The following CIMIP6 variants were observed in gnomAD, a reference collection of about 807,000 sequenced individuals.
The protein encoded by CIMIP6 is ciliary microtubule inner protein 6, also known as uncharacterized protein C2orf73.
At chr2:54,368,620 A>G in the CIMIP6 span, among the ~76,000 whole-genome samples, 1 of 152,194 alleles carries the variant, frequency 6.6e-6, no homozygotes, top group Non-Finnish European at 1.5e-5. Context: ...AGTCAGTGTG[A>G]TTTATGGTGA....
chr2:54,379,745 G>A, the CIMIP6 span, among the ~76,000 whole-genome samples: 1 of 151,982 alleles, frequency 6.6e-6, no homozygotes, highest in South Asian at 2.1e-4. Flanking sequence ...GGAGGCCAAG[G>A]TGGGTGGGTC....
chr2:54,368,804 G>A, the CIMIP6 span, among the ~76,000 whole-genome samples: 1 of 152,198 alleles, frequency 6.6e-6, no homozygotes, highest in African/African-American at 2.4e-5. Context: ...ATCACACATT[G>A]TTGTTGACAG....
the CIMIP6 span, among the ~76,000 whole-genome samples, chr2:54,334,274 A>T: frequency 6.6e-6 from 1 of 152,184 alleles, no homozygotes. Context: ...TAGAGGCAAA[A>T]AATGAAGAGA....
At chr2:54,344,039 T>G in the CIMIP6 span, among the ~76,000 whole-genome samples, 1 of 152,222 alleles carries the variant, frequency 6.6e-6, no homozygotes, top group Non-Finnish European at 1.5e-5. Context: ...TATTTCTTCC[T>G]AGTGGACAGT....
the CIMIP6 span, among the ~76,000 whole-genome samples, chr2:54,335,457 C>G: frequency 2.0e-5 from 3 of 152,246 alleles, no homozygotes; most frequent in South Asian, 4.1e-4. Flanking sequence ...ACAACAATTT[C>G]TATGAAGTCT....
the CIMIP6 span, among the ~76,000 whole-genome samples, chr2:54,363,709 A>T: frequency 1.3e-5 from 2 of 152,020 alleles, no homozygotes; most frequent in Admixed American, 1.3e-4. Flanking sequence ...GGATTTCATT[A>T]TCTATATTTA....
the CIMIP6 span, chr2:54,343,618 C>A: frequency 1.2e-6 from 1 of 802,596 alleles, no homozygotes; most frequent in Non-Finnish European, 1.8e-6. Context: ...GGGATATCCA[C>A]TAACTTGTTA....
At chr2:54,379,735 G>A in the CIMIP6 span, among the ~76,000 whole-genome samples, 2 of 151,850 alleles carry the variant, frequency 1.3e-5, no homozygotes, top group African/African-American at 2.4e-5. Context: ...CCAGCACTTT[G>A]GAGGCCAAGG....
At chr2:54,369,151 T>C in the CIMIP6 span, among the ~76,000 whole-genome samples, 1 of 152,056 alleles carries the variant, frequency 6.6e-6, no homozygotes, top group Non-Finnish European at 1.5e-5. Context: ...AGCACTTAAC[T>C]CCTCAGTTAC....
At chr2:54,376,268 C>T in the CIMIP6 span, among the ~76,000 whole-genome samples, 5 of 152,004 alleles carry the variant, frequency 3.3e-5, no homozygotes, top group Admixed American at 6.5e-5. Flanking sequence ...GGTCTGCAAC[C>T]CTCCCAAAGT....
At chr2:54,373,093 G>T in the CIMIP6 span, among the ~76,000 whole-genome samples, 1 of 151,704 alleles carries the variant, frequency 6.6e-6, no homozygotes, top group Admixed American at 6.6e-5. Flanking sequence ...TCCCTTCTCC[G>T]TACTGCAGCT....
the CIMIP6 span, among the ~76,000 whole-genome samples, chr2:54,373,973 G>T: frequency 1.3e-5 from 2 of 152,130 alleles, no homozygotes; most frequent in Non-Finnish European, 2.9e-5. Context: ...CTGCCATTAA[G>T]TCTCCACATC....
the CIMIP6 span, among the ~76,000 whole-genome samples, chr2:54,374,851 CGTGTTTGCA>C: frequency 6.6e-6 from 1 of 152,224 alleles, no homozygotes; most frequent in African/African-American, 2.4e-5. Flanking sequence ...CACTCCCCTG[CGTGTTTGCA>C]GTGCACAGAA....
At chr2:54,370,442 T>TAA in the CIMIP6 span, among the ~76,000 whole-genome samples, 27 of 147,620 alleles carry the variant, frequency 1.8e-4, no homozygotes, top group African/African-American at 4.0e-4. Flanking sequence ...TTTTTAGTAC[T>TAA]AAAAAAAAAA....
chr2:54,330,976 A>C, the CIMIP6 span: 1 of 1,613,498 alleles, frequency 6.2e-7, no homozygotes, highest in Non-Finnish European at 8.5e-7. Context: ...GTAGAGGCCC[A>C]TGGAGGAAAA....
the CIMIP6 span, among the ~76,000 whole-genome samples, chr2:54,331,196 G>C: frequency 6.6e-6 from 1 of 152,172 alleles, no homozygotes; most frequent in Non-Finnish European, 1.5e-5. Flanking sequence ...CTGTGTGTCA[G>C]GGACTTGACT....
At chr2:54,368,185 T>C in the CIMIP6 span, among the ~76,000 whole-genome samples, 1 of 152,258 alleles carries the variant, frequency 6.6e-6, no homozygotes, top group Non-Finnish European at 1.5e-5. Context: ...TTTGCTTTTG[T>C]TTCTTTACAG....
At chr2:54,382,690 A>T in the CIMIP6 span, among the ~76,000 whole-genome samples, 1 of 152,068 alleles carries the variant, frequency 6.6e-6, no homozygotes, top group East Asian at 1.9e-4. Flanking sequence ...CCCATATTCC[A>T]TTCTCCTCTC....
At chr2:54,345,982 A>G in the CIMIP6 span, among the ~76,000 whole-genome samples, 2 of 152,210 alleles carry the variant, frequency 1.3e-5, no homozygotes, top group African/African-American at 2.4e-5. Flanking sequence ...TTCTCAGGGG[A>G]AATACTTTTT....
Sources: gnomAD v4.1 joint callset for allele counts (sites outside exome capture counted in the v4.1 genomes callset) on GRCh38, gnomAD v4.1.1 for gene constraint, MANE v1.5 for transcripts, NCBI Gene and HGNC (gene_info 2026-07-23, HGNC 2026-07-21) for gene names.